CLPSL1: variants seen among roughly 807,000 people sequenced by gnomAD.
The protein encoded by CLPSL1 is colipase-like protein 1.
In CLPSL1, 13 loss-of-function variants were observed where a neutral mutation model predicts 9.3. The observed-to-expected ratio is 1.40, with a 90% CI of 0.91 to 2.22. The LOEUF (loss-of-function observed/expected upper bound fraction) is 2.22. CLPSL1 is among the 30% of genes most tolerant of loss of function. CLPSL1 has a pLI of 0.00. For synonymous variants in CLPSL1, 58 were observed against 56.9 expected (o/e 1.02, Z -0.08); for missense variants, 164 against 146.6 (o/e 1.12, Z -0.61).
intron 1 of CLPSL1, among the ~76,000 whole-genome samples, chr6:35,786,229 G>T (rs138457893): frequency 6.6e-6 from 1 of 152,170 alleles, no homozygotes; most frequent in Non-Finnish European, 1.5e-5. Context: ...ACCAGCCTGC[G>T]CGATGGAAGC....
chr6:35,792,557 A>G (rs1768241204), downstream of CLPSL1, among the ~76,000 whole-genome samples: 1 of 152,252 alleles, frequency 6.6e-6, no homozygotes, highest in Non-Finnish European at 1.5e-5. Context: ...TCTGCTGTGT[A>G]GGCGTGTGAT....
At chr6:35,793,037 C>T (rs956225780), downstream of CLPSL1, among the ~76,000 whole-genome samples, 4 of 152,266 alleles carry the variant, frequency 2.6e-5, no homozygotes, top group African/African-American at 9.6e-5. Context: ...TTTGCTTTCC[C>T]AGCGTCCCTT....
At chr6:35,783,658 A>T (rs1354112826) in intron 1 of CLPSL1, among the ~76,000 whole-genome samples, 1 of 151,810 alleles carries the variant, frequency 6.6e-6, no homozygotes, top group Non-Finnish European at 1.5e-5. Context: ...TACAAAAAAA[A>T]TTAGCTGTGC....
At chr6:35,792,932 G>T (rs1410158508), downstream of CLPSL1, among the ~76,000 whole-genome samples, 8 of 152,274 alleles carry the variant, frequency 5.3e-5, no homozygotes, top group Non-Finnish European at 1.0e-4. Context: ...CCATTACCTG[G>T]TTTCCTAATA....
At chr6:35,787,346 G>T (rs1561941473) in intron 2 of CLPSL1, among the ~76,000 whole-genome samples, 1 of 152,278 alleles carries the variant, frequency 6.6e-6, no homozygotes, top group African/African-American at 2.4e-5. Flanking sequence ...GCGGGAAGGC[G>T]ATGTTTCACT....
At chr6:35,781,315 G>A in intron 1 of CLPSL1, 106 bp downstream of exon 1, 2 of 1,467,028 alleles carry the variant, frequency 1.4e-6, no homozygotes, top group East Asian at 2.4e-5. Context: ...AAGGCCAGAA[G>A]TGGGGGCAGC....
chr6:35,781,252 C>A, intron 1 of CLPSL1, 43 bp downstream of exon 1: 1 of 1,605,132 alleles, frequency 6.2e-7, no homozygotes. Flanking sequence ...CTCCACTGTC[C>A]TAAGGCCTGT....
chr6:35,781,331 G>A (rs1454213597), intron 1 of CLPSL1, 122 bp downstream of exon 1: 7 of 1,398,160 alleles, frequency 5.0e-6, no homozygotes, highest in Non-Finnish European at 5.7e-6. Flanking sequence ...GCAGCAGGGA[G>A]TGTTGGGTGG....
At chr6:35,781,293 C>T in intron 1 of CLPSL1, 84 bp downstream of exon 1, 3 of 1,523,484 alleles carry the variant, frequency 2.0e-6, no homozygotes, top group Non-Finnish European at 2.6e-6. Flanking sequence ...GGCATGGGGG[C>T]TAGTGTGGGA....
At chr6:35,783,120 C>G (rs919091232) in intron 1 of CLPSL1, among the ~76,000 whole-genome samples, 2 of 152,096 alleles carry the variant, frequency 1.3e-5, no homozygotes, top group African/African-American at 4.8e-5. Flanking sequence ...CTCTTACTCT[C>G]CTAGTCAATA....
At chr6:35,791,257 T>TAC (rs1164178594), downstream of CLPSL1, among the ~76,000 whole-genome samples, 1 of 152,270 alleles carries the variant, frequency 6.6e-6, no homozygotes, top group Admixed American at 6.5e-5. Flanking sequence ...CTCCTTGACT[T>TAC]ACGATGGGGC....
At chr6:35,790,183 TC>T (rs1466045122), downstream of CLPSL1, among the ~76,000 whole-genome samples, 2 of 152,254 alleles carry the variant, frequency 1.3e-5, no homozygotes, top group African/African-American at 4.8e-5. Context: ...CAATCCTGCC[TC>T]AGCCTCTCAA....
At chr6:35,788,523 T>C (rs142324321), downstream of CLPSL1, among the ~76,000 whole-genome samples, 229 of 152,328 alleles carry the variant, frequency 1.5e-3, no homozygotes, top group Admixed American at 3.6e-3. Flanking sequence ...CTAGCTGCCT[T>C]ATGCACATGA....
chr6:35,793,423 C>T (rs1427864835), intron 1 of CLPSL1: 13 of 291,576 alleles, frequency 4.5e-5, no homozygotes, highest in South Asian at 2.3e-4. Flanking sequence ...AAAACTCTGT[C>T]TCAAAAAAAA....
intron 2 of CLPSL1, 42 bp downstream of exon 2, chr6:35,787,162 G>T (rs199711177): frequency 5.6e-6 from 9 of 1,603,440 alleles, no homozygotes; most frequent in Non-Finnish European, 8.5e-7. Flanking sequence ...GGATCCAGGG[G>T]AAGTGGGAGC....
downstream of CLPSL1, chr6:35,793,819 T>A (rs565876606): frequency 2.9e-6 from 1 of 342,864 alleles, no homozygotes; most frequent in African/African-American, 2.1e-5. Flanking sequence ...TGTCCCTCAC[T>A]CTCTGTGGGA....
At chr6:35,792,981 G>C (rs995302512), downstream of CLPSL1, among the ~76,000 whole-genome samples, 1 of 152,256 alleles carries the variant, frequency 6.6e-6, no homozygotes. Flanking sequence ...ACCCAATATT[G>C]TTTGGGCATC....
At chr6:35,791,470 G>T (rs1032973235), downstream of CLPSL1, among the ~76,000 whole-genome samples, 1 of 152,012 alleles carries the variant, frequency 6.6e-6, no homozygotes, top group South Asian at 2.1e-4. Flanking sequence ...TTAGCTGGGC[G>T]TGGAGGGCAC....
chr6:35,783,298 G>C (rs917691453), intron 1 of CLPSL1, among the ~76,000 whole-genome samples: 2 of 152,106 alleles, frequency 1.3e-5, no homozygotes, highest in Admixed American at 1.3e-4. Context: ...ATCACCTGAC[G>C]TCAAGAGTTC....
Sources: allele counts gnomAD v4.1 joint callset (sites outside exome capture counted in the v4.1 genomes callset), GRCh38; gene constraint gnomAD v4.1.1; transcripts MANE v1.5; gene names NCBI Gene and HGNC (gene_info 2026-07-23, HGNC 2026-07-21).